Variants in RAD51B observed in about 807,000 individuals in gnomAD.
The protein encoded by RAD51B is DNA repair protein RAD51 homolog 2.
Under a neutral mutation model 42.2 loss-of-function variants are expected in RAD51B, and 38 were observed. The ratio of observed to expected loss-of-function variants is 0.90; its 90% CI spans 0.70 to 1.18. RAD51B has a LOEUF of 1.18. Among genes scored for constraint, RAD51B ranks in the 50% most tolerant of loss-of-function variants. The pLI is 0.00. For missense variants in RAD51B, 373 were observed against 400.7 expected, an observed-to-expected ratio of 0.93 and a Z score of 0.59; for synonymous variants, 154 against 145.2, an observed-to-expected ratio of 1.06 and a Z score of -0.43.
At chr14:68,034,366 G>A (rs773167414) in intron 7 of RAD51B, among the ~76,000 whole-genome samples, 11 of 151,968 alleles carry the variant, frequency 7.2e-5, no homozygotes, top group Middle Eastern at 3.4e-3. Context: ...CTACCTCCTG[G>A]GCTCAAGCAA....
chr14:68,052,179 C>G (rs2076404007), intron 7 of RAD51B, among the ~76,000 whole-genome samples: 1 of 152,132 alleles, frequency 6.6e-6, no homozygotes, highest in African/African-American at 2.4e-5. Context: ...AACACTTTGA[C>G]ATTTGGAGCA....
At chr14:68,056,858 C>T (rs1483147536) in intron 7 of RAD51B, among the ~76,000 whole-genome samples, 1 of 151,984 alleles carries the variant, frequency 6.6e-6, no homozygotes, top group East Asian at 1.9e-4. Flanking sequence ...GCGGGTGGAT[C>T]ACCTGAGGTC....
chr14:68,352,173 TAAATA>T (rs773106331), intron 8 of RAD51B, among the ~76,000 whole-genome samples: 16 of 152,176 alleles, frequency 1.1e-4, no homozygotes, highest in South Asian at 6.2e-4. Flanking sequence ...AGTGGATAAA[TAAATA>T]TAAGTTGAAT....
chr14:67,948,988 T>C (rs1595152814), intron 7 of RAD51B, among the ~76,000 whole-genome samples: 1 of 150,994 alleles, frequency 6.6e-6, no homozygotes, highest in South Asian at 2.1e-4. Flanking sequence ...TTAAAAGTTT[T>C]TATTGCTAAA....
chr14:68,467,693 G>A (rs998331210), intron 9 of RAD51B, among the ~76,000 whole-genome samples: 1 of 152,250 alleles, frequency 6.6e-6, no homozygotes, highest in Non-Finnish European at 1.5e-5. Flanking sequence ...TCACGTAGTA[G>A]AGGGTTTGGT....
intron 7 of RAD51B, among the ~76,000 whole-genome samples, chr14:68,191,808 A>G (rs1403251984): frequency 6.6e-6 from 1 of 152,222 alleles, no homozygotes; most frequent in African/African-American, 2.4e-5. Context: ...ATTGTTTACA[A>G]CTATAATCTA....
intron 10 of RAD51B, among the ~76,000 whole-genome samples, chr14:68,519,987 C>T (rs1420270127): frequency 2.0e-5 from 3 of 152,206 alleles, no homozygotes; most frequent in Admixed American, 1.3e-4. Context: ...ACTCTGCTTT[C>T]GCCTTGTTTT....
In RAD51B at chr14:67,992,718, T is replaced by A. The variant is rs12889707; in HGVS notation, c.756+105514T>A. ...CTACTCCTAAAATATCTTTATGAAG[T>A]TAAAAGGACTTAACATAAGTATTTA... On this transcript the variant is annotated intron_variant, in intron 7 of 10. Coordinates refer to ENST00000471583, the MANE Select transcript of RAD51B (RefSeq NM_133510.4). 1.0e-2 allele frequency among the ~76,000 whole-genome samples: 1,519 copies of A among 152,236 alleles called. 11 individuals carry two copies. Among genetic ancestry groups the A allele is most frequent in the Non-Finnish European group, 0.017 (1,133 of 68,012 alleles).
intron 10 of RAD51B, chr14:68,563,146 G>C: frequency 4.1e-6 from 4 of 985,468 alleles, no homozygotes; most frequent in Non-Finnish European, 3.6e-6. Context: ...ACTTGGCGAA[G>C]GAGAGAAGTT....
intron 7 of RAD51B, among the ~76,000 whole-genome samples, chr14:67,985,817 G>A (rs894508120): frequency 2.0e-5 from 3 of 152,166 alleles, no homozygotes; most frequent in Non-Finnish European, 4.4e-5. Context: ...GGCTGAGGCG[G>A]CAGGATGGCT....
At chr14:67,900,768 G>A (rs1460974767) in intron 7 of RAD51B, among the ~76,000 whole-genome samples, 1 of 151,870 alleles carries the variant, frequency 6.6e-6, no homozygotes, top group Non-Finnish European at 1.5e-5. Flanking sequence ...ATAATATGAA[G>A]TTTCTTAGTG....
At chr14:68,068,386 C>T (rs1046813231) in intron 7 of RAD51B, among the ~76,000 whole-genome samples, 1 of 152,160 alleles carries the variant, frequency 6.6e-6, no homozygotes, top group African/African-American at 2.4e-5. Flanking sequence ...CCTTTTGTGA[C>T]TAGCCTCTTT....
intron 7 of RAD51B, among the ~76,000 whole-genome samples, chr14:68,046,563 A>G (rs1301424192): frequency 1.3e-5 from 2 of 152,122 alleles, no homozygotes; most frequent in African/African-American, 4.8e-5. Flanking sequence ...ACATGGTGAA[A>G]CCCTGTCTCT....
At chr14:68,168,306 C>A (rs146396625) in intron 7 of RAD51B, among the ~76,000 whole-genome samples, 9 of 152,244 alleles carry the variant, frequency 5.9e-5, no homozygotes, top group Non-Finnish European at 8.8e-5. Flanking sequence ...CTCAGTTCTG[C>A]AAACGTCTTT....
intron 7 of RAD51B, among the ~76,000 whole-genome samples, chr14:68,017,356 C>T (rs997475500): frequency 2.0e-5 from 3 of 151,894 alleles, no homozygotes; most frequent in Admixed American, 1.3e-4. Flanking sequence ...CCACCATACC[C>T]GGCTAAATTT....
intron 10 of RAD51B, among the ~76,000 whole-genome samples, chr14:68,641,794 C>T (rs1443717781): frequency 6.6e-6 from 1 of 151,180 alleles, no homozygotes; most frequent in Non-Finnish European, 1.5e-5. Flanking sequence ...CTCCTGGGTT[C>T]AAGTGATCCT....
intron 7 of RAD51B, among the ~76,000 whole-genome samples, chr14:67,943,192 AAT>A (rs762256735): frequency 1.6e-4 from 25 of 152,168 alleles, no homozygotes; most frequent in Admixed American, 3.9e-4. Flanking sequence ...TTTGTGTACT[AAT>A]AGTGTTAGAT....
intron 7 of RAD51B, among the ~76,000 whole-genome samples, chr14:68,095,446 C>T (rs1328494934): frequency 1.3e-5 from 2 of 152,020 alleles, no homozygotes; most frequent in Non-Finnish European, 2.9e-5. Flanking sequence ...AGTCTTCCTC[C>T]ATGGTATTTA....
intron 9 of RAD51B, among the ~76,000 whole-genome samples, chr14:68,423,621 G>A (rs1369324525): frequency 6.6e-6 from 1 of 152,050 alleles, no homozygotes; most frequent in Non-Finnish European, 1.5e-5. Context: ...TATATCCCTA[G>A]GTTCTTAACC....
Sources: allele counts gnomAD v4.1 joint callset (sites outside exome capture counted in the v4.1 genomes callset), GRCh38; gene constraint gnomAD v4.1.1; transcripts MANE v1.5; gene names NCBI Gene and HGNC (gene_info 2026-07-23, HGNC 2026-07-21).